Variants in MARCHF1 observed in about 807,000 individuals in gnomAD.
The protein encoded by MARCHF1 is E3 ubiquitin-protein ligase MARCHF1.
Under a neutral mutation model 54.2 loss-of-function variants are expected in MARCHF1, and 40 were observed. That is an observed-to-expected ratio of 0.74 (90% confidence interval 0.57 to 0.96). The LOEUF is 0.96. MARCHF1 is among the 40% of genes least tolerant of loss of function. MARCHF1 has a pLI of 0.00. For synonymous variants in MARCHF1, 236 were observed against 236.3 expected, an observed-to-expected ratio of 1.00 and a Z score of 0.01; for missense variants, 586 against 656.5, an observed-to-expected ratio of 0.89 and a Z score of 1.17.
chr4:164,222,240 A>G (rs1020348837), intron 1 of MARCHF1, among the ~76,000 whole-genome samples: 5 of 151,114 alleles, frequency 3.3e-5, no homozygotes, highest in Non-Finnish European at 5.9e-5. Context: ...TTTTTTTAGA[A>G]TAACAATTGA....
At chr4:163,892,283 A>C (rs1750677580) in intron 3 of MARCHF1, among the ~76,000 whole-genome samples, 1 of 152,118 alleles carries the variant, frequency 6.6e-6, no homozygotes. Flanking sequence ...AATTCATTTA[A>C]GTTTTCATTT....
At chr4:163,622,374 G>A (rs981185649) in intron 5 of MARCHF1, among the ~76,000 whole-genome samples, 1 of 152,002 alleles carries the variant, frequency 6.6e-6, no homozygotes, top group Non-Finnish European at 1.5e-5. Flanking sequence ...GGAAATGGAA[G>A]GGGAATGGGA....
chr4:164,226,154 C>T (rs1003332335), intron 1 of MARCHF1, among the ~76,000 whole-genome samples: 5 of 151,910 alleles, frequency 3.3e-5, no homozygotes, highest in African/African-American at 1.2e-4. Context: ...TGAAAATTAA[C>T]ATTAAGAATA....
chr4:164,011,715 G>C (rs571704240), intron 2 of MARCHF1, among the ~76,000 whole-genome samples: 70 of 152,248 alleles, frequency 4.6e-4, no homozygotes, highest in Non-Finnish European at 8.5e-4. Flanking sequence ...CAGTATGAAG[G>C]TTCCCCCAAA....
intron 5 of MARCHF1, among the ~76,000 whole-genome samples, chr4:163,626,264 G>T (rs1212194409): frequency 1.3e-5 from 2 of 152,160 alleles, no homozygotes; most frequent in Non-Finnish European, 2.9e-5. Context: ...TGTCTTAGTG[G>T]CATCTAGGCC....
intron 1 of MARCHF1, among the ~76,000 whole-genome samples, chr4:164,166,391 C>G (rs573861096): frequency 1.7e-4 from 26 of 152,060 alleles, no homozygotes; most frequent in African/African-American, 6.3e-4. Context: ...CCAAAAAAAT[C>G]TTACATTAAA....
chr4:163,586,036 AT>A, intron 7 of MARCHF1, 107 bp from the exon 8 acceptor site: 1 of 912,418 alleles, frequency 1.1e-6, no homozygotes, highest in Non-Finnish European at 1.6e-6. Flanking sequence ...GCAACCTAAG[AT>A]TTAGAACACA....
At chr4:164,159,378 G>A (rs11943491) in intron 1 of MARCHF1, among the ~76,000 whole-genome samples, 27,063 of 151,808 alleles carry the variant, frequency 0.18, 3,653 homozygotes, top group African/African-American at 0.37. Flanking sequence ...ACCACAAAAC[G>A]TCCATGTTAA....
intron 2 of MARCHF1, among the ~76,000 whole-genome samples, chr4:163,993,923 C>T (rs1055081160): frequency 2.0e-5 from 3 of 152,020 alleles, no homozygotes; most frequent in African/African-American, 7.2e-5. Context: ...GTTGAAAAGA[C>T]ATATGGAATG....
At chr4:163,620,062 G>A (rs80191948) in intron 5 of MARCHF1, among the ~76,000 whole-genome samples, 12,988 of 151,930 alleles carry the variant, frequency 0.085, 757 homozygotes, top group East Asian at 0.24. Flanking sequence ...GATCTTTCAC[G>A]GATCAAGAAG....
intron 3 of MARCHF1, 99 bp from the exon 4 acceptor site, chr4:163,854,268 T>A: frequency 2.2e-6 from 2 of 903,292 alleles, no homozygotes; most frequent in Non-Finnish European, 3.2e-6. Context: ...AACAAAACAC[T>A]AATTGAGACT....
At position 163,973,497 on chromosome 4, in the gene MARCHF1, C is replaced by T. The variant is rs141403736; in HGVS notation, c.-39+15004G>A. ...TAATTCACAAGTATTTTTCAAGGCT[C>T]AGCTTGCATTATTTTTTAACTCTTC... On this transcript the variant is annotated intron_variant, in intron 3 of 9. Transcript: ENST00000514618. Among the ~76,000 whole-genome samples, 43 of 152,336 alleles carry T rather than the reference C, an allele frequency of 2.8e-4. No individual in the cohort carries two copies. In the East Asian group the frequency reaches 8.3e-3, roughly 29 times the overall value.
intron 9 of MARCHF1, among the ~76,000 whole-genome samples, chr4:163,543,178 ACATT>A (rs2110908388): frequency 6.6e-6 from 1 of 152,294 alleles, no homozygotes; most frequent in Non-Finnish European, 1.5e-5. Context: ...TGCTGGGATT[ACATT>A]ACTGAGCATG....
At chr4:164,285,334 G>A (rs1035700935) in intron 1 of MARCHF1, among the ~76,000 whole-genome samples, 1 of 152,126 alleles carries the variant, frequency 6.6e-6, no homozygotes, top group African/African-American at 2.4e-5. Context: ...GTTCAAGGCT[G>A]CAGTGCATTA....
chr4:163,716,008 G>T (rs988380027), intron 4 of MARCHF1, among the ~76,000 whole-genome samples: 2 of 152,134 alleles, frequency 1.3e-5, no homozygotes, highest in Non-Finnish European at 2.9e-5. Flanking sequence ...GCAAGAAGAT[G>T]GATATGTGCT....
At chr4:163,915,414 G>A (rs1751285159) in intron 3 of MARCHF1, among the ~76,000 whole-genome samples, 1 of 151,974 alleles carries the variant, frequency 6.6e-6, no homozygotes, top group Admixed American at 6.6e-5. Flanking sequence ...ATGAAAAACT[G>A]AGAAACTGAG....
intron 4 of MARCHF1, among the ~76,000 whole-genome samples, chr4:163,721,378 C>T (rs1244699892): frequency 2.6e-5 from 4 of 151,602 alleles, no homozygotes; most frequent in Non-Finnish European, 5.9e-5. Context: ...AGGGATGAAG[C>T]CCACTTGATC....
chr4:163,875,679 C>A (rs561582496), intron 3 of MARCHF1, among the ~76,000 whole-genome samples: 10 of 152,214 alleles, frequency 6.6e-5, no homozygotes, highest in African/African-American at 2.4e-4. Flanking sequence ...ATGTTTAAAC[C>A]AAACTATACA....
intron 1 of MARCHF1, among the ~76,000 whole-genome samples, chr4:164,337,527 T>G (rs1729773685): frequency 6.6e-6 from 1 of 152,078 alleles, no homozygotes; most frequent in African/African-American, 2.4e-5. Context: ...CATGGATGAG[T>G]AAATGGCTAA....
Sources: allele counts gnomAD v4.1 joint callset (sites outside exome capture counted in the v4.1 genomes callset), GRCh38; gene constraint gnomAD v4.1.1; transcripts MANE v1.5; gene names NCBI Gene and HGNC (gene_info 2026-07-23, HGNC 2026-07-21).